Variants in CRTAM observed in about 807,000 individuals in gnomAD.
The protein encoded by CRTAM is cytotoxic and regulatory T cell molecule.
A neutral mutation model predicts 50.0 loss-of-function variants in CRTAM; 44 were observed. The ratio of observed to expected loss-of-function variants is 0.88; its 90% CI spans 0.69 to 1.13. The LOEUF is 1.13. Among genes scored for constraint, CRTAM ranks in the 50% most tolerant of loss-of-function variants. CRTAM has a pLI of 0.00. For missense variants in CRTAM, 448 were observed against 457.5 expected (o/e 0.98, Z 0.19); for synonymous variants, 159 against 169.3 (o/e 0.94, Z 0.47).
chr11:122,845,543 C>T (rs539088901), intron 1 of CRTAM, among the ~76,000 whole-genome samples: 1 of 152,050 alleles, frequency 6.6e-6, no homozygotes, highest in African/African-American at 2.4e-5. Context: ...CGTCTCTGTA[C>T]TAAAAATACA....
intron 4 of CRTAM, among the ~76,000 whole-genome samples, chr11:122,855,273 A>T (rs565454437): frequency 3.3e-5 from 5 of 152,242 alleles, no homozygotes; most frequent in African/African-American, 1.2e-4. Context: ...GTTGCAAAGG[A>T]CCCTTTACAG....
chr11:122,858,299 G>C (rs944634708), intron 5 of CRTAM, among the ~76,000 whole-genome samples: 1 of 151,858 alleles, frequency 6.6e-6, no homozygotes, highest in Non-Finnish European at 1.5e-5. Context: ...GTCTTGGCTC[G>C]CTATAACCTC....
chr11:122,864,732 C>T lies in CRTAM; in HGVS notation c.817+13C>T, dbSNP rs781135732. ...GACTTGACCACCGGTAAGTGTCACC[C>T]ACTGCATTTAGAATAAACACTCGAC... On this transcript the variant is annotated intron_variant, in intron 7 of 9. Coordinates refer to ENST00000227348, the MANE Select transcript of CRTAM (RefSeq NM_019604.4). 1.3e-6 allele frequency: 2 copies of T among 1,589,356 alleles called. No homozygotes were observed. Among genetic ancestry groups the T allele is most frequent in the Non-Finnish European group, 1.7e-6 (2 of 1,157,834 alleles).
At chr11:122,870,360 C>A (rs1204555410) in intron 9 of CRTAM, among the ~76,000 whole-genome samples, 1 of 152,182 alleles carries the variant, frequency 6.6e-6, no homozygotes, top group African/African-American at 2.4e-5. Flanking sequence ...GGATTACAGG[C>A]ATGAGCCACC....
Position 122,872,515 on chromosome 11 carries a change from G to A in CRTAM, c.*1116G>A, listed in dbSNP as rs183525733. 6.3e-3 allele frequency: 958 copies of A among 152,730 alleles called. 3 individuals are homozygous for A. Among genetic ancestry groups the A allele is most frequent in the Non-Finnish European group, 9.1e-3 (618 of 68,018 alleles). The allele number at this position is 152,730 out of a possible 1,614,324, so 9.5% of individuals were successfully genotyped here. On this transcript the variant is annotated 3_prime_UTR_variant, in exon 10 of 10. Transcript: ENST00000227348. ...ACCAAGTTATACTTCCTGTTTTCAC[G>A]TGTGAAAGTAACATGGGACATGCCT...
chr11:122,851,627 C>A, intron 2 of CRTAM, 66 bp from the exon 3 acceptor site: 1 of 1,480,252 alleles, frequency 6.8e-7, no homozygotes, highest in Non-Finnish European at 9.4e-7. Flanking sequence ...CTGGCATCTA[C>A]TGGGTAGAGG....
chr11:122,866,236 G>A (rs1474302863), intron 7 of CRTAM, among the ~76,000 whole-genome samples: 1 of 151,894 alleles, frequency 6.6e-6, no homozygotes, highest in Non-Finnish European at 1.5e-5. Context: ...TATCCTCACT[G>A]CCCCTGGTGG....
intron 5 of CRTAM, among the ~76,000 whole-genome samples, chr11:122,859,482 T>A (rs1416678506): frequency 6.6e-6 from 1 of 152,000 alleles, no homozygotes; most frequent in East Asian, 1.9e-4. Flanking sequence ...GAAAATGTCA[T>A]TTTTTTACAT....
In CRTAM at chr11:122,871,297, C is replaced by T; in HGVS notation, c.1080C>T (p.Tyr360=). The T allele has an allele frequency of 1.2e-6, 2 of 1,613,414 alleles. No individual in the cohort carries two copies. Among genetic ancestry groups the T allele is most frequent in the South Asian group, 1.1e-5 (1 of 90,928 alleles). Residue 360 remains tyrosine, a synonymous_variant, in exon 10 of 10, where the codon TAC becomes TAT. Coordinates refer to ENST00000227348, the MANE Select transcript of CRTAM (RefSeq NM_019604.4). ...CCCACCCTATGCGTTGCATGAACTA[C>T]ATCACAAAGTTGTACTCAGAAGCAA... The part of the protein sequence containing the change: ...QSSHPMRCMN[Y]ITKLYSEAKT...
rs938421582 is a variant in CRTAM, at chr11:122,855,791, G to C, written c.587G>C (p.Cys196Ser). ...HTYGKNSTVD[C>S]IIRHRGLQGR... ...TATGGCAAAAATTCAACGGTGGACT[G>C]CATTATCCGACACAGAGGCCTGCAA... The change falls in exon 5 of 10, where the codon TGC (cysteine) becomes TCC (serine). Residue 196 changes from cysteine to serine, a missense_variant. Physicochemically the swap from Cys to Ser is moderately radical, Grantham distance 112. Transcript: ENST00000227348. The C allele has an allele frequency of 1.2e-6, 2 of 1,613,892 alleles. No homozygotes were observed. Among genetic ancestry groups the C allele is most frequent in the African/African-American group, 2.7e-5 (2 of 74,940 alleles).
intron 3 of CRTAM, among the ~76,000 whole-genome samples, chr11:122,853,300 G>C (rs1591351540): frequency 1.3e-5 from 2 of 151,864 alleles, no homozygotes; most frequent in African/African-American, 4.8e-5. Flanking sequence ...TCGATCTCCT[G>C]ATCTCGTGAT....
At chr11:122,857,787 G>GT (rs1862024800) in intron 5 of CRTAM, among the ~76,000 whole-genome samples, 1 of 152,214 alleles carries the variant, frequency 6.6e-6, no homozygotes, top group Non-Finnish European at 1.5e-5. Context: ...GGTCATGCCA[G>GT]CACCAGGACT....
chr11:122,851,760 C>A lies in CRTAM; in HGVS notation c.261C>A (p.Asn87Lys), dbSNP rs940858835. 2 of 1,614,088 alleles carry A rather than the reference C, an allele frequency of 1.2e-6. No individual in the cohort carries two copies. The highest frequency in any genetic ancestry group is 1.7e-6 in the Non-Finnish European group (2 of 1,179,964). The stretch of plus-strand genomic sequence containing the variant: ...ATCAGCTCTCCATCACTGTGCCTAA[C>A]GTAACCCTGCAAGATGAAGGCGTGT... ...SANQLSITVPNVTLQDEGVYK... is the reference protein window; with the variant it reads ...SANQLSITVPKVTLQDEGVYK... Residue 87 changes from asparagine (N) to lysine (K), a missense_variant, in exon 3 of 10, where the codon AAC (asparagine) becomes AAA (lysine). Asn to Lys is a moderately conservative substitution (Grantham distance 94). Transcript: ENST00000227348.
In CRTAM at chr11:122,871,393, T is replaced by A. The variant is rs747082536; in HGVS notation, c.1176T>A (p.Ile392=). The A allele has an allele frequency of 8.7e-6, 14 of 1,612,792 alleles. No homozygotes were observed. The East Asian group carries it at 3.1e-4, about 36-fold the overall frequency. Residue 392 remains isoleucine, a synonymous_variant, in exon 10 of 10, where the codon ATT becomes ATA. Coordinates refer to ENST00000227348, the MANE Select transcript of CRTAM (RefSeq NM_019604.4). ...AGCACATCCAAGTACCAGAGAGTATTGTGTAGTGCTCTCTGCAATGGAACA... is the reference window on the plus strand; with the variant it reads ...AGCACATCCAAGTACCAGAGAGTATAGTGTAGTGCTCTCTGCAATGGAACA... ...EEKHIQVPES[I]V is the part of the protein sequence containing the mutation.
chr11:122,861,404 A>T (rs1480470655), intron 5 of CRTAM, among the ~76,000 whole-genome samples: 1 of 16,296 alleles, frequency 6.1e-5, no homozygotes, highest in African/African-American at 2.7e-4. Flanking sequence ...ATATATATAT[A>T]TATATATATA....
chr11:122,849,921 C>G, intron 1 of CRTAM, 147 bp from the exon 2 acceptor site: 2 of 642,026 alleles, frequency 3.1e-6, no homozygotes, highest in Non-Finnish European at 2.4e-6. Context: ...TCAGTTCTTG[C>G]CTCTCCCCTC....
chr11:122,858,777 A>G (rs1365527326), intron 5 of CRTAM, among the ~76,000 whole-genome samples: 3 of 152,018 alleles, frequency 2.0e-5, no homozygotes, highest in Admixed American at 6.6e-5. Context: ...ATCCTCCCTC[A>G]TCGGCCACCC....
intron 9 of CRTAM, among the ~76,000 whole-genome samples, chr11:122,870,670 C>A (rs1026084124): frequency 6.6e-6 from 1 of 152,158 alleles, no homozygotes; most frequent in African/African-American, 2.4e-5. Context: ...TTCTAGTGTG[C>A]AATTTTGCTA....
At chr11:122,850,608 C>T (rs779666957) in intron 2 of CRTAM, among the ~76,000 whole-genome samples, 3 of 152,224 alleles carry the variant, frequency 2.0e-5, no homozygotes, top group Non-Finnish European at 4.4e-5. Context: ...AAGCCAGCTG[C>T]TTCGTTTTCC....
Sources: gnomAD v4.1 joint callset for allele counts (sites outside exome capture counted in the v4.1 genomes callset) on GRCh38, gnomAD v4.1.1 for gene constraint, MANE v1.5 for transcripts, NCBI Gene and HGNC (gene_info 2026-07-23, HGNC 2026-07-21) for gene names.